Variants in CENPM observed in about 807,000 individuals in gnomAD.
CENPM encodes the protein interphase centromere complex protein 39.
A neutral mutation model predicts 19.6 loss-of-function variants in CENPM; 14 were observed. The observed-to-expected ratio is 0.71, with a 90% CI of 0.47 to 1.11. The LOEUF (loss-of-function observed/expected upper bound fraction) is 1.11, where lower values mean the gene tolerates loss of function less well. Among genes scored for constraint, CENPM ranks in the 50% most tolerant of loss-of-function variants. The pLI is 0.00. For synonymous variants in CENPM, 114 were observed against 101.5 expected, an observed-to-expected ratio of 1.12 and a Z score of -0.74; for missense variants, 239 against 228.4, an observed-to-expected ratio of 1.05 and a Z score of -0.30.
chr22:41,931,481 G>GAA, the CENPM span, among the ~76,000 whole-genome samples: 10 of 136,962 alleles, frequency 7.3e-5, no homozygotes, highest in Admixed American at 2.2e-4. Context: ...CCCCATCTCA[G>GAA]AAAAAAAAAA....
chr22:41,937,986 G>C (rs2077691197), downstream of CENPM, among the ~76,000 whole-genome samples: 1 of 151,894 alleles, frequency 6.6e-6, no homozygotes. Flanking sequence ...TAGGACTACA[G>C]ATGCCCGCCA....
Position 41,945,897 on chromosome 22 carries a change from T to G in CENPM, c.230+16A>C. ...GGCCTGCCTGAGCCCTGACTGCCCC[T>G]TCCTCTGGCTCTCACCTGTATTTGC... On this transcript the variant is annotated intron_variant, in intron 3 of 5. Coordinates refer to ENST00000215980, the MANE Select transcript of CENPM (RefSeq NM_024053.5). 6.2e-7 allele frequency: 1 copy of G among 1,607,172 alleles called. No homozygotes were observed. The highest frequency in any genetic ancestry group is 2.2e-5 in the East Asian group (1 of 44,860).
chr22:41,932,659 G>C, the CENPM span, among the ~76,000 whole-genome samples: 1 of 152,232 alleles, frequency 6.6e-6, no homozygotes, highest in African/African-American at 2.4e-5. The surrounding 1 kb of genome is among the most constrained non-coding windows in gnomAD (Gnocchi z 4.3). Context: ...TGTGAGACTA[G>C]AGGGCAGACC....
chr22:41,929,441 G>C, the CENPM span, among the ~76,000 whole-genome samples: 1 of 152,170 alleles, frequency 6.6e-6, no homozygotes, highest in East Asian at 1.9e-4. Flanking sequence ...GGCCAGAGTC[G>C]GGAGAATTTA....
intron 1 of CENPM, chr22:41,946,787 C>T (rs1802986041): frequency 1.5e-5 from 9 of 604,426 alleles, no homozygotes; most frequent in South Asian, 1.4e-4. Flanking sequence ...GGCGCGGGAA[C>T]TCGCCAATCA....
Position 41,943,618 on chromosome 22 carries a change from C to T in CENPM, c.394G>A (p.Asp132Asn), listed in dbSNP as rs753188877. 2 of 1,613,222 alleles carry T rather than the reference C, an allele frequency of 1.2e-6. No homozygotes were observed. The highest frequency in any genetic ancestry group is 1.7e-6 in the Non-Finnish European group (2 of 1,179,534). Residue 132 changes from aspartate (D) to asparagine (N), a missense_variant, in exon 5 of 6, where the codon GAC becomes AAC. Transcript: ENST00000215980. ...HTYQSPLLYCDLEVEGFRATM... is the reference protein window; with the variant it reads ...HTYQSPLLYCNLEVEGFRATM... ...GTGATCAGCATGCTCACCTCCAGGT[C>T]ACAGTAGAGCAGGGGGCTTTGATAG...
At chr22:41,936,414 G>A (rs760348725), downstream of CENPM, among the ~76,000 whole-genome samples, 12 of 152,244 alleles carry the variant, frequency 7.9e-5, no homozygotes, top group South Asian at 2.1e-4. Context: ...CGGAATCTAC[G>A]TGGCTGAAGT....
intron 1 of CENPM, 98 bp downstream of exon 1, chr22:41,946,922 G>C (rs2077812004): frequency 2.4e-6 from 3 of 1,245,706 alleles, no homozygotes; most frequent in South Asian, 2.4e-5. Context: ...ACGGTAGCGC[G>C]CGCTGGCTTG....
In CENPM at chr22:41,945,308, G is replaced by C. The variant is rs1387968386; in HGVS notation, c.231-4C>G. ...GGACTCCTCTGTGTTCTGGAGACTG[G>C]GGTGGCCAGGCCAGGGTGAGAAAAC... On this transcript the variant is annotated splice_region_variant and splice_polypyrimidine_tract_variant and intron_variant, in intron 3 of 5. Coordinates refer to ENST00000215980, the MANE Select transcript of CENPM (RefSeq NM_024053.5). The C allele has an allele frequency of 1.2e-6, 2 of 1,613,948 alleles. No individual in the cohort carries two copies. Among genetic ancestry groups the C allele is most frequent in the Middle Eastern group, 1.6e-4 (1 of 6,062 alleles).
chr22:41,941,395 G>A (rs550290552), intron 5 of CENPM, among the ~76,000 whole-genome samples: 1 of 152,244 alleles, frequency 6.6e-6, no homozygotes, highest in South Asian at 2.1e-4. Flanking sequence ...GCGGGAACCA[G>A]GCTGGGACCT....
downstream of CENPM, among the ~76,000 whole-genome samples, chr22:41,933,903 C>T (rs918817895): frequency 6.6e-6 from 1 of 152,220 alleles, no homozygotes; most frequent in African/African-American, 2.4e-5. Context: ...CGCCCACCAG[C>T]CTGCCAGCCC....
At chr22:41,929,995 G>C in the CENPM span, among the ~76,000 whole-genome samples, 1 of 136,734 alleles carries the variant, frequency 7.3e-6, no homozygotes, top group African/African-American at 2.9e-5. Flanking sequence ...CCAGGCTGGA[G>C]TGCAGTGGCG....
At chr22:41,944,201 T>C in intron 4 of CENPM, 2 of 938,056 alleles carry the variant, frequency 2.1e-6, no homozygotes, top group Non-Finnish European at 2.5e-6. Flanking sequence ...CCCAGCACTA[T>C]CTGAGGCAGG....
At chr22:41,938,363 C>CTGT (rs1235570496), downstream of CENPM, among the ~76,000 whole-genome samples, 24 of 94,426 alleles carry the variant, frequency 2.5e-4, no homozygotes, top group African/African-American at 1.2e-3. Flanking sequence ...GCTGGTCTCG[C>CTGT]TTTTTTTTTT....
At chr22:41,931,675 G>T in the CENPM span, among the ~76,000 whole-genome samples, 2 of 152,212 alleles carry the variant, frequency 1.3e-5, no homozygotes, top group Non-Finnish European at 2.9e-5. Flanking sequence ...TGAGCCAGCA[G>T]ATGGGAGGGG....
chr22:41,941,295 T>C (rs914583900), intron 5 of CENPM, among the ~76,000 whole-genome samples: 12 of 152,200 alleles, frequency 7.9e-5, no homozygotes, highest in Admixed American at 5.9e-4. Context: ...AACACCAGCA[T>C]GAAGAAGGAG....
At chr22:41,941,495 G>A (rs1206745913) in intron 5 of CENPM, among the ~76,000 whole-genome samples, 4 of 152,198 alleles carry the variant, frequency 2.6e-5, no homozygotes, top group African/African-American at 4.8e-5. Flanking sequence ...ACTTGTCACA[G>A]GGTGAGTAGG....
intron 4 of CENPM, chr22:41,944,703 C>T (rs1227678073): frequency 8.1e-6 from 8 of 985,112 alleles, no homozygotes; most frequent in South Asian, 9.4e-5. Flanking sequence ...TTTCAGAGAA[C>T]GATAAGCTGA....
the CENPM span, among the ~76,000 whole-genome samples, chr22:41,933,319 T>C: frequency 7.9e-6 from 1 of 127,250 alleles, no homozygotes; most frequent in South Asian, 2.7e-4. Context: ...CACACATCAG[T>C]GGGGTCCTCT....
Sources: allele counts gnomAD v4.1 joint callset (sites outside exome capture counted in the v4.1 genomes callset), GRCh38; gene constraint gnomAD v4.1.1; non-coding constraint Gnocchi (gnomAD v3.1); transcripts MANE v1.5; gene names NCBI Gene and HGNC (gene_info 2026-07-23, HGNC 2026-07-21).